The following FMNL2 variants were observed in gnomAD, a reference collection of about 807,000 sequenced individuals.
FMNL2 encodes formin-like protein 2.
A neutral mutation model predicts 130.2 loss-of-function variants in FMNL2; 51 were observed. That is an observed-to-expected ratio of 0.39 (90% CI 0.31 to 0.49). The LOEUF (loss-of-function observed/expected upper bound fraction) is 0.49, where lower values mean the gene tolerates loss of function less well. Among genes scored for constraint, FMNL2 ranks in the 20% least tolerant of loss-of-function variants. The pLI, the probability that FMNL2 is intolerant of heterozygous loss-of-function variation, is 0.85. For synonymous variants in FMNL2, 465 were observed against 467.1 expected, an observed-to-expected ratio of 1.00 and a Z score of 0.06; for missense variants, 977 against 1,316.2, an observed-to-expected ratio of 0.74 and a Z score of 3.99.
At chr2:152,630,541 G>A (rs963690663) in intron 20 of FMNL2, among the ~76,000 whole-genome samples, 4 of 152,158 alleles carry the variant, frequency 2.6e-5, no homozygotes, top group African/African-American at 9.7e-5. Context: ...AAAATCCTCC[G>A]TGGACTCCCT....
At chr2:152,506,077 G>T (rs1375221455) in intron 1 of FMNL2, among the ~76,000 whole-genome samples, 1 of 152,158 alleles carries the variant, frequency 6.6e-6, no homozygotes, top group East Asian at 1.9e-4. Context: ...TATTTGCCAA[G>T]GTAACTAGGG....
intron 9 of FMNL2, among the ~76,000 whole-genome samples, chr2:152,605,022 G>A (rs1247546248): frequency 3.3e-5 from 5 of 150,840 alleles, no homozygotes; most frequent in African/African-American, 1.2e-4. Flanking sequence ...GGCGTAAGAT[G>A]TGACTGATGT....
At chr2:152,634,081 T>C (rs1195182423) in intron 21 of FMNL2, among the ~76,000 whole-genome samples, 3 of 152,214 alleles carry the variant, frequency 2.0e-5, no homozygotes, top group South Asian at 4.1e-4. Context: ...TTTTAGTAGG[T>C]TGGTGCAAAA....
Position 152,648,827 on chromosome 2 carries a change from A to T in FMNL2, c.*922A>T, listed in dbSNP as rs376654739. On this transcript the variant is annotated 3_prime_UTR_variant, in exon 26 of 26. Coordinates refer to ENST00000288670, the MANE Select transcript of FMNL2 (RefSeq NM_052905.4). ...TTTCTTATTTTTTATAAATTCAAGAAGATACACTTGGCATCGTGTATCGAG... is the reference window on the plus strand; with the variant it reads ...TTTCTTATTTTTTATAAATTCAAGATGATACACTTGGCATCGTGTATCGAG... 4 of 152,700 alleles carry T rather than the reference A, an allele frequency of 2.6e-5. No homozygotes were observed. The East Asian group carries it at 7.7e-4, about 30-fold the overall frequency. The allele number at this position is 152,700 out of a possible 1,614,324, so 9.5% of individuals were successfully genotyped here.
Position 152,366,602 on chromosome 2 carries a change from T to C in FMNL2, c.117+30882T>C, listed in dbSNP as rs558216267. ...AACATACACTTGACCAGATGCAGGG[T>C]CTAGATAAGCAAAAATAAATATTAA... On this transcript the variant is annotated intron_variant, in intron 1 of 25. Coordinates refer to ENST00000288670, the MANE Select transcript of FMNL2 (RefSeq NM_052905.4). Among the ~76,000 whole-genome samples the C allele has an allele frequency of 2.6e-5, 4 of 152,170 alleles. 1 individual carries two copies. Among genetic ancestry groups the C allele is most frequent in the African/African-American group, 9.6e-5 (4 of 41,510 alleles).
At chr2:152,377,381 A>G (rs972353432) in intron 1 of FMNL2, among the ~76,000 whole-genome samples, 1 of 152,230 alleles carries the variant, frequency 6.6e-6, no homozygotes, top group Non-Finnish European at 1.5e-5. Context: ...ATTTTTAGAC[A>G]TGTAGGAGTT....
chr2:152,637,824 G>A, intron 23 of FMNL2, 150 bp downstream of exon 23: 2 of 656,958 alleles, frequency 3.0e-6, no homozygotes, highest in Non-Finnish European at 5.3e-6. Flanking sequence ...TAGCTCTGTG[G>A]AGGCTGAGGG....
intron 9 of FMNL2, among the ~76,000 whole-genome samples, chr2:152,596,007 A>G (rs531594563): frequency 3.7e-4 from 54 of 147,618 alleles, no homozygotes; most frequent in Non-Finnish European, 7.6e-4. Flanking sequence ...CTGCTGCCCA[A>G]TCTGGAGTGC....
At chr2:152,364,496 A>G (rs556749734) in intron 1 of FMNL2, among the ~76,000 whole-genome samples, 120 of 152,240 alleles carry the variant, frequency 7.9e-4, no homozygotes, top group African/African-American at 2.7e-3. Flanking sequence ...AAACCCAAAC[A>G]TTAGTAAACC....
intron 2 of FMNL2, among the ~76,000 whole-genome samples, chr2:152,539,923 G>T (rs1329608272): frequency 6.6e-6 from 1 of 152,050 alleles, no homozygotes; most frequent in East Asian, 1.9e-4. Context: ...AACATGGTGA[G>T]ACCTTGTCTT....
intron 1 of FMNL2, among the ~76,000 whole-genome samples, chr2:152,465,641 C>A (rs1031712185): frequency 6.6e-6 from 1 of 152,194 alleles, no homozygotes; most frequent in Non-Finnish European, 1.5e-5. Flanking sequence ...CCCCACCCCC[C>A]ATCTGGCTCA....
At chr2:152,584,772 C>T (rs1270036328) in intron 9 of FMNL2, among the ~76,000 whole-genome samples, 1 of 152,190 alleles carries the variant, frequency 6.6e-6, no homozygotes, top group Admixed American at 6.5e-5. Flanking sequence ...TGTATGACTA[C>T]ATCATTTTCT....
At chr2:152,371,956 C>G (rs985809117) in intron 1 of FMNL2, among the ~76,000 whole-genome samples, 1 of 152,110 alleles carries the variant, frequency 6.6e-6, no homozygotes, top group African/African-American at 2.4e-5. Flanking sequence ...AACTTCCCAG[C>G]CTCCATAACT....
chr2:152,636,669 G>A, intron 22 of FMNL2, 79 bp downstream of exon 22: 4 of 1,457,020 alleles, frequency 2.7e-6, no homozygotes, highest in Admixed American at 2.3e-5. Context: ...TGTATTTGGG[G>A]AGAAATGTTC....
At chr2:152,526,287 G>C (rs759939137) in intron 2 of FMNL2, among the ~76,000 whole-genome samples, 12 of 152,280 alleles carry the variant, frequency 7.9e-5, no homozygotes, top group East Asian at 3.9e-4. Flanking sequence ...GTTGGTGGCT[G>C]CTATGTTAGA....
chr2:152,551,485 C>G (rs755026811), intron 4 of FMNL2, among the ~76,000 whole-genome samples: 1 of 152,210 alleles, frequency 6.6e-6, no homozygotes, highest in African/African-American at 2.4e-5. Flanking sequence ...CATAAACTTA[C>G]GTGAAGTAAA....
At chr2:152,431,833 A>C (rs1687506505) in intron 1 of FMNL2, among the ~76,000 whole-genome samples, 1 of 151,920 alleles carries the variant, frequency 6.6e-6, no homozygotes, top group African/African-American at 2.4e-5. Context: ...ACATGGTGGC[A>C]CATGCGTGTA....
chr2:152,618,400 AT>A (rs1433078221), intron 13 of FMNL2, among the ~76,000 whole-genome samples: 1 of 152,170 alleles, frequency 6.6e-6, no homozygotes, highest in African/African-American at 2.4e-5. Flanking sequence ...TGCTTTGCAG[AT>A]TTTTAATCCC....
At chr2:152,473,009 C>G (rs1354083091) in intron 1 of FMNL2, among the ~76,000 whole-genome samples, 1 of 152,088 alleles carries the variant, frequency 6.6e-6, no homozygotes, top group East Asian at 1.9e-4. Context: ...GAGAGGTCCA[C>G]CTTGAATTAC....
Sources: allele counts gnomAD v4.1 joint callset (sites outside exome capture counted in the v4.1 genomes callset), GRCh38; gene constraint gnomAD v4.1.1; transcripts MANE v1.5; gene names NCBI Gene and HGNC (gene_info 2026-07-23, HGNC 2026-07-21).